SLC16A7: variants seen among roughly 807,000 people sequenced by gnomAD.
SLC16A7 encodes the protein monocarboxylate transporter 2.
A neutral mutation model predicts 34.9 loss-of-function variants in SLC16A7; 33 were observed. That is an observed-to-expected ratio of 0.94 (90% CI 0.72 to 1.26). The LOEUF (loss-of-function observed/expected upper bound fraction) is 1.26, where lower values mean the gene tolerates loss of function less well. Among genes scored for constraint, SLC16A7 ranks in the 50% most tolerant of loss-of-function variants. The pLI, the probability that SLC16A7 is intolerant of heterozygous loss-of-function variation, is 0.00. For synonymous variants in SLC16A7, 201 were observed against 206.6 expected (o/e 0.97, Z 0.23); for missense variants, 573 against 578.1 (o/e 0.99, Z 0.09).
chr12:59,684,046 ACAATGC>A (rs1223322502), intron 2 of SLC16A7, among the ~76,000 whole-genome samples: 1 of 152,222 alleles, frequency 6.6e-6, no homozygotes. Flanking sequence ...CAAGAAATTC[ACAATGC>A]CAATGTGGTG....
At chr12:59,724,136 TG>T (rs1384431292) in intron 3 of SLC16A7, among the ~76,000 whole-genome samples, 1 of 152,116 alleles carries the variant, frequency 6.6e-6, no homozygotes, top group Admixed American at 6.6e-5. Flanking sequence ...CAGAGAAGCC[TG>T]AAGGCTGTGC....
intron 3 of SLC16A7, among the ~76,000 whole-genome samples, chr12:59,732,624 C>G (rs1051715399): frequency 6.6e-6 from 1 of 152,174 alleles, no homozygotes; most frequent in Non-Finnish European, 1.5e-5. Context: ...TTTCAAACTC[C>G]TTTCTTCCTG....
chr12:59,723,350 T>C (rs956454762), intron 3 of SLC16A7, among the ~76,000 whole-genome samples: 6 of 151,958 alleles, frequency 3.9e-5, no homozygotes, highest in Non-Finnish European at 7.4e-5. Context: ...TGTATTGAGA[T>C]CCTCCTGTGT....
rs35397369 is a variant in SLC16A7 at position 59,789,424 on chromosome 12, G to T, written c.*9745G>T. On this transcript the variant is annotated 3_prime_UTR_variant, in exon 6 of 6. Coordinates refer to ENST00000547379, the MANE Select transcript of SLC16A7 (RefSeq NM_001270623.2). ...AAATATGCAACAGCTAAACTTTATG[G>T]TACATATTAATTAGTTTTATTTTCT... is the stretch of plus-strand genomic sequence containing the variant. 6.6e-6 allele frequency: 1 copy of T among 151,958 alleles called. No individual in the cohort carries two copies. The highest frequency in any genetic ancestry group is 1.5e-5 in the Non-Finnish European group (1 of 67,956). The allele number at this position is 151,958 out of a possible 1,614,324, so 9.4% of individuals were successfully genotyped here.
At chr12:59,749,328 T>A (rs2137317308) in intron 3 of SLC16A7, among the ~76,000 whole-genome samples, 1 of 152,322 alleles carries the variant, frequency 6.6e-6, no homozygotes, top group South Asian at 2.1e-4. Flanking sequence ...GAACCCTTTT[T>A]CTGTATTGGT....
intron 3 of SLC16A7, among the ~76,000 whole-genome samples, chr12:59,712,328 A>G (rs1592552724): frequency 6.6e-6 from 1 of 152,324 alleles, no homozygotes; most frequent in East Asian, 1.9e-4. Flanking sequence ...GTCAATAATC[A>G]TTTCTAAAAG....
At chr12:59,631,284 G>A (rs1017807707) in intron 1 of SLC16A7, among the ~76,000 whole-genome samples, 5 of 151,886 alleles carry the variant, frequency 3.3e-5, no homozygotes, top group Non-Finnish European at 7.4e-5. Context: ...CTGTACTTTC[G>A]CTTGTAGCAG....
At chr12:59,703,926 A>C (rs1195326971) in intron 2 of SLC16A7, among the ~76,000 whole-genome samples, 2 of 151,916 alleles carry the variant, frequency 1.3e-5, no homozygotes. Flanking sequence ...TGGGGGCTGG[A>C]TGCGGTGGCT....
In SLC16A7 at chr12:59,609,525, T is replaced by C. The variant is rs541086102; in HGVS notation, c.-130+13289T>C. ...ATGTGGGTCGGGGGGCATAGGTAGATAGGGGGTTGGAGGGTTGAGGATGGT... is the reference window on the plus strand; with the variant it reads ...ATGTGGGTCGGGGGGCATAGGTAGACAGGGGGTTGGAGGGTTGAGGATGGT... On this transcript the variant is annotated intron_variant, in intron 1 of 5. Transcript: ENST00000547379. Among the ~76,000 whole-genome samples, 8 of 131,400 alleles carry C rather than the reference T, an allele frequency of 6.1e-5. No individual in the cohort carries two copies. The South Asian group carries it at 2.0e-3, about 33-fold the overall frequency. 86.2% of individuals were successfully genotyped at this position (131,400 alleles called of 152,430 possible).
At chr12:59,640,027 G>A (rs1427265171) in intron 1 of SLC16A7, among the ~76,000 whole-genome samples, 1 of 152,052 alleles carries the variant, frequency 6.6e-6, no homozygotes, top group African/African-American at 2.4e-5. Context: ...TTTTCTTATA[G>A]TTACCAGTTT....
At chr12:59,611,816 C>T (rs757332201) in intron 1 of SLC16A7, among the ~76,000 whole-genome samples, 2 of 152,178 alleles carry the variant, frequency 1.3e-5, no homozygotes, top group Non-Finnish European at 2.9e-5. Context: ...ATTCATTTAA[C>T]CTTAAAGTTC....
chr12:59,733,758 C>G (rs991403987), intron 3 of SLC16A7: 9 of 455,944 alleles, frequency 2.0e-5, no homozygotes, highest in African/African-American at 1.2e-4. Flanking sequence ...GAATGAAGCA[C>G]ATGGACAACC....
At chr12:59,755,594 A>G (rs1654983671) in intron 3 of SLC16A7, among the ~76,000 whole-genome samples, 1 of 152,208 alleles carries the variant, frequency 6.6e-6, no homozygotes, top group African/African-American at 2.4e-5. Context: ...CCACTGCTCA[A>G]TGAAATAAAA....
intron 2 of SLC16A7, among the ~76,000 whole-genome samples, chr12:59,672,230 G>A (rs56374139): frequency 3.5e-4 from 27 of 76,208 alleles, no homozygotes; most frequent in South Asian, 7.8e-4. Flanking sequence ...GTGTATATAT[G>A]CATATATACG....
intron 3 of SLC16A7, among the ~76,000 whole-genome samples, chr12:59,713,655 G>A (rs750778003): frequency 2.0e-5 from 3 of 152,168 alleles, no homozygotes; most frequent in Non-Finnish European, 4.4e-5. Context: ...GGAAGTATAT[G>A]CTTCAGGAGT....
intron 1 of SLC16A7, among the ~76,000 whole-genome samples, chr12:59,635,707 A>ACTC (rs1880389382): frequency 6.6e-6 from 1 of 151,702 alleles, no homozygotes; most frequent in South Asian, 2.1e-4. Context: ...TTTTGACAAG[A>ACTC]CTCCTGTGTA....
At chr12:59,680,862 T>C (rs1870691908) in intron 2 of SLC16A7, among the ~76,000 whole-genome samples, 1 of 152,218 alleles carries the variant, frequency 6.6e-6, no homozygotes, top group Non-Finnish European at 1.5e-5. Context: ...GCCTTTTCTA[T>C]GACCCTGAAT....
At chr12:59,732,001 G>T (rs112772931) in intron 3 of SLC16A7, among the ~76,000 whole-genome samples, 86 of 152,140 alleles carry the variant, frequency 5.7e-4, no homozygotes, top group African/African-American at 2.0e-3. Flanking sequence ...GCTGTGAGTG[G>T]TTGAATGGGA....
intron 3 of SLC16A7, among the ~76,000 whole-genome samples, chr12:59,750,495 C>A (rs1384136872): frequency 6.6e-6 from 1 of 152,098 alleles, no homozygotes; most frequent in Non-Finnish European, 1.5e-5. Flanking sequence ...AAATGCAAAT[C>A]AAAACCACAA....
Sources: allele counts gnomAD v4.1 joint callset (sites outside exome capture counted in the v4.1 genomes callset), GRCh38; gene constraint gnomAD v4.1.1; transcripts MANE v1.5; gene names NCBI Gene and HGNC (gene_info 2026-07-23, HGNC 2026-07-21).